Variants in TCERG1L observed in about 807,000 individuals in gnomAD.
The protein encoded by TCERG1L is transcription elongation regulator 1-like protein.
TCERG1L carries 37 observed loss-of-function variants against 56.3 expected under a neutral mutation model. The observed-to-expected ratio is 0.66, with a 90% confidence interval of 0.51 to 0.87. The LOEUF (loss-of-function observed/expected upper bound fraction) is 0.87. TCERG1L is among the 40% of genes least tolerant of loss of function. The probability of loss-of-function intolerance (pLI) is 0.00; values close to 1 mark genes in which losing one functional copy is unlikely to be tolerated. For synonymous variants in TCERG1L, 324 were observed against 326.3 expected (o/e 0.99, Z 0.08); for missense variants, 799 against 774.2 (o/e 1.03, Z -0.38).
intron 4 of TCERG1L, among the ~76,000 whole-genome samples, chr10:131,236,995 T>C (rs751119078): frequency 6.6e-6 from 1 of 152,000 alleles, no homozygotes; most frequent in Non-Finnish European, 1.5e-5. Flanking sequence ...CTCCAAACCC[T>C]GAGTCATCCC....
intron 6 of TCERG1L, among the ~76,000 whole-genome samples, chr10:131,148,369 C>CATAT (rs1554888201): frequency 0.2 from 31,020 of 151,652 alleles, 3,553 homozygotes; most frequent in South Asian, 0.37. Context: ...CACATGCACA[C>CATAT]AGACATAGAG....
At chr10:131,233,242 G>A (rs1022664499) in intron 4 of TCERG1L, among the ~76,000 whole-genome samples, 5 of 152,170 alleles carry the variant, frequency 3.3e-5, no homozygotes, top group African/African-American at 1.2e-4. Context: ...GAGAGTGGGA[G>A]GAAAATGTAG....
At chr10:131,274,283 C>T (rs1846370749) in intron 3 of TCERG1L, among the ~76,000 whole-genome samples, 1 of 152,196 alleles carries the variant, frequency 6.6e-6, no homozygotes, top group South Asian at 2.1e-4. Flanking sequence ...CTTTGGGTGG[C>T]GGATGGTGCC....
intron 7 of TCERG1L, among the ~76,000 whole-genome samples, chr10:131,143,510 C>T (rs920994002): frequency 2.0e-5 from 3 of 152,152 alleles, no homozygotes; most frequent in African/African-American, 7.2e-5. Flanking sequence ...AGTGAAGTGA[C>T]AGGTGGCCCC....
At chr10:131,119,201 C>A (rs2133392243) in intron 8 of TCERG1L, among the ~76,000 whole-genome samples, 1 of 152,264 alleles carries the variant, frequency 6.6e-6, no homozygotes. Context: ...TCATTAGTAC[C>A]ATGTTTAGGA....
intron 9 of TCERG1L, among the ~76,000 whole-genome samples, chr10:131,108,731 C>G (rs1436715239): frequency 6.6e-6 from 1 of 152,226 alleles, no homozygotes; most frequent in East Asian, 1.9e-4. Flanking sequence ...CCAGATCCCA[C>G]TGGGCTGAGA....
In TCERG1L at chr10:131,146,626, A is replaced by G; in HGVS notation, c.1069T>C (p.Phe357Leu). Residue 357 changes from phenylalanine (F) to leucine (L), a missense_variant, in exon 7 of 12, where the codon TTC becomes CTC. Phe to Leu is a conservative substitution (Grantham distance 22). Coordinates refer to ENST00000368642, the MANE Select transcript of TCERG1L (RefSeq NM_174937.4). ...GACAGGTGCATCGTTGGGTTGAAGA[A>G]GAAAACTCGGTCATCGCCCGTCCAG... Reference protein sequence around the residue: ...VVWTGDDRVFFFNPTMHLSVW... With the variant: ...VVWTGDDRVFLFNPTMHLSVW... 1.2e-6 allele frequency: 2 copies of G among 1,613,808 alleles called. No homozygotes were observed. Among genetic ancestry groups the G allele is most frequent in the South Asian group, 2.2e-5 (2 of 91,042 alleles).
chr10:131,098,443 A>T lies in TCERG1L; in HGVS notation c.1486-19T>A. 1 of 1,529,784 alleles carries T rather than the reference A, an allele frequency of 6.5e-7. No individual in the cohort carries two copies. The allele number at this position is 1,529,784 out of a possible 1,614,324, so 94.8% of individuals were successfully genotyped here. ...CAAATATCTTAAAACACAGATACAG[A>T]AGAAAAACATCATGAAATTGCATAT... On this transcript the variant is annotated intron_variant, in intron 10 of 11. Transcript: ENST00000368642.
chr10:131,256,948 AGAAG>A (rs71009955), intron 4 of TCERG1L, among the ~76,000 whole-genome samples: 2,375 of 60,672 alleles, frequency 0.039, 258 homozygotes, highest in Middle Eastern at 0.056. Context: ...AGGAAGAGAA[AGAAG>A]GAAGGAAGGA....
chr10:131,250,729 T>C (rs571884914), intron 4 of TCERG1L, among the ~76,000 whole-genome samples: 41 of 152,282 alleles, frequency 2.7e-4, no homozygotes, highest in African/African-American at 9.6e-4. Flanking sequence ...CCCAGCGCCC[T>C]GTTAGTTGAC....
intron 4 of TCERG1L, among the ~76,000 whole-genome samples, chr10:131,177,631 G>C (rs759519905): frequency 2.0e-5 from 3 of 152,146 alleles, no homozygotes; most frequent in African/African-American, 7.2e-5. Context: ...GCGTTAACAC[G>C]CCCAGCACAT....
At chr10:131,248,228 C>T (rs1475303857) in intron 4 of TCERG1L, among the ~76,000 whole-genome samples, 1 of 147,542 alleles carries the variant, frequency 6.8e-6, no homozygotes, top group Non-Finnish European at 1.5e-5. Flanking sequence ...ACACACAACT[C>T]ACACACACAC....
At chr10:131,113,002 G>A (rs7081327) in intron 9 of TCERG1L, among the ~76,000 whole-genome samples, 25,504 of 141,510 alleles carry the variant, frequency 0.18, 5,541 homozygotes, top group Middle Eastern at 0.31. Flanking sequence ...GGGTGGACCC[G>A]GGTAACTGTG....
intron 4 of TCERG1L, among the ~76,000 whole-genome samples, chr10:131,230,262 C>T (rs1845834594): frequency 6.6e-6 from 1 of 152,268 alleles, no homozygotes; most frequent in Non-Finnish European, 1.5e-5. Flanking sequence ...ACAGAGGCAG[C>T]TGTGAGCTGC....
At chr10:131,179,829 C>G (rs1845151492) in intron 4 of TCERG1L, among the ~76,000 whole-genome samples, 1 of 152,126 alleles carries the variant, frequency 6.6e-6, no homozygotes, top group South Asian at 2.1e-4. Flanking sequence ...AAGTTAAGGC[C>G]CAGGCACCCC....
intron 3 of TCERG1L, among the ~76,000 whole-genome samples, chr10:131,284,319 TA>T (rs1242310508): frequency 6.6e-6 from 1 of 151,920 alleles, no homozygotes; most frequent in African/African-American, 2.4e-5. Flanking sequence ...TCATAGGATA[TA>T]AAACTACAAT....
At chr10:131,094,707 G>A (rs868376540) in intron 11 of TCERG1L, among the ~76,000 whole-genome samples, 24 of 150,936 alleles carry the variant, frequency 1.6e-4, no homozygotes, top group South Asian at 1.3e-3. Flanking sequence ...CTTTTCTCCC[G>A]GTTCCTTTCT....
chr10:131,254,736 G>A (rs1029239851), intron 4 of TCERG1L, among the ~76,000 whole-genome samples: 11 of 152,208 alleles, frequency 7.2e-5, no homozygotes, highest in Non-Finnish European at 1.0e-4. Context: ...GCGTCAGGAC[G>A]ACCTCTGGTG....
chr10:131,095,321 G>A (rs914002325), intron 11 of TCERG1L: 7 of 153,306 alleles, frequency 4.6e-5, no homozygotes, highest in Non-Finnish European at 1.0e-4. Context: ...CCCGAGAGGC[G>A]GGCAGGGCTG....
Sources: allele counts gnomAD v4.1 joint callset (sites outside exome capture counted in the v4.1 genomes callset), GRCh38; gene constraint gnomAD v4.1.1; transcripts MANE v1.5; gene names NCBI Gene and HGNC (gene_info 2026-07-23, HGNC 2026-07-21).